IL7: variants seen among roughly 807,000 people sequenced by gnomAD.
The protein encoded by IL7 is interleukin-7.
A neutral mutation model predicts 21.6 loss-of-function variants in IL7; 3 were observed. The ratio of observed to expected loss-of-function variants is 0.14; its 90% CI spans 0.06 to 0.36. IL7 has a LOEUF of 0.36. Ranked by LOEUF, IL7 falls within the 10% of genes least tolerant of loss-of-function variation. The pLI, the probability that IL7 is intolerant of heterozygous loss-of-function variation, is 1.00. For missense variants in IL7, 175 were observed against 200.2 expected, an observed-to-expected ratio of 0.87 and a Z score of 0.76; for synonymous variants, 62 against 68.1, an observed-to-expected ratio of 0.91 and a Z score of 0.44.
At chr8:78,761,802 T>A (rs1290867081) in intron 2 of IL7, 1 of 1,611,906 alleles carries the variant, frequency 6.2e-7, no homozygotes, top group Non-Finnish European at 8.5e-7. Context: ...CCAGAATTTA[T>A]CCGACACTCC....
chr8:78,697,005 G>A (rs1453787686), intron 3 of IL7, among the ~76,000 whole-genome samples: 1 of 152,114 alleles, frequency 6.6e-6, no homozygotes, highest in Non-Finnish European at 1.5e-5. Flanking sequence ...GTTGCTGTTA[G>A]TTTGTTTTAG....
intron 2 of IL7, among the ~76,000 whole-genome samples, chr8:78,743,630 A>G (rs1337936475): frequency 5.9e-5 from 9 of 152,098 alleles, no homozygotes; most frequent in Admixed American, 2.0e-4. Flanking sequence ...CAGGAGGATT[A>G]AGTACTTCTC....
At chr8:78,727,841 A>G (rs928764493), downstream of IL7, among the ~76,000 whole-genome samples, 1 of 151,954 alleles carries the variant, frequency 6.6e-6, no homozygotes, top group African/African-American at 2.4e-5. Flanking sequence ...CATGATTTCT[A>G]TTTTGCAGAT....
At chr8:78,791,032 A>G (rs575773907) in intron 2 of IL7, among the ~76,000 whole-genome samples, 2 of 152,280 alleles carry the variant, frequency 1.3e-5, no homozygotes, top group South Asian at 4.1e-4. Context: ...GATGAACAAA[A>G]TGGAATTGGA....
intron 3 of IL7, among the ~76,000 whole-genome samples, chr8:78,708,287 C>G (rs1378665346): frequency 6.6e-6 from 1 of 152,154 alleles, no homozygotes; most frequent in Non-Finnish European, 1.5e-5. Context: ...CCACTTTAAT[C>G]AGGCATACCA....
At chr8:78,695,385 T>C (rs1272340839) in intron 3 of IL7, among the ~76,000 whole-genome samples, 1 of 152,196 alleles carries the variant, frequency 6.6e-6, no homozygotes, top group Non-Finnish European at 1.5e-5. Flanking sequence ...CTCCATTATG[T>C]AATGCTACCA....
chr8:78,739,039 A>G (rs1330016580), intron 3 of IL7, among the ~76,000 whole-genome samples: 1 of 152,160 alleles, frequency 6.6e-6, no homozygotes, highest in Non-Finnish European at 1.5e-5. Context: ...CTTTTGAGCT[A>G]TGGAAGAATA....
At chr8:78,736,667 G>A (rs972107936) in intron 4 of IL7, 140 bp from the exon 5 acceptor site, 2 of 551,824 alleles carry the variant, frequency 3.6e-6, no homozygotes, top group South Asian at 3.0e-5. Flanking sequence ...TGTTAAGAAA[G>A]TAAAATATTA....
At chr8:78,679,062 C>T (rs919601821) in intron 4 of IL7, 1 of 153,282 alleles carries the variant, frequency 6.5e-6, no homozygotes, top group Non-Finnish European at 1.5e-5. Flanking sequence ...TCTCTACATC[C>T]AAAAAGTTAA....
chr8:78,702,114 T>C (rs1810624885), intron 3 of IL7, among the ~76,000 whole-genome samples: 1 of 152,170 alleles, frequency 6.6e-6, no homozygotes, highest in East Asian at 1.9e-4. Context: ...CTTTTTTCAA[T>C]TGGTAAGCTA....
intron 2 of IL7, among the ~76,000 whole-genome samples, chr8:78,775,218 G>T (rs1404662045): frequency 6.6e-6 from 1 of 152,072 alleles, no homozygotes; most frequent in Admixed American, 6.6e-5. Flanking sequence ...GGAACTATAT[G>T]ATTCAACAAT....
chr8:78,741,197 C>G (rs977417262), intron 2 of IL7, among the ~76,000 whole-genome samples: 3 of 152,124 alleles, frequency 2.0e-5, no homozygotes, highest in Non-Finnish European at 4.4e-5. Context: ...TGGGTTTACC[C>G]TGATTTTAAA....
At chr8:78,761,325 A>G in intron 2 of IL7, 1 of 1,611,746 alleles carries the variant, frequency 6.2e-7, no homozygotes, top group South Asian at 1.1e-5. Flanking sequence ...GATTTTGCCA[A>G]CCACATATTT....
intron 3 of IL7, among the ~76,000 whole-genome samples, chr8:78,702,225 C>A (rs1307606746): frequency 1.3e-5 from 2 of 152,052 alleles, no homozygotes; most frequent in African/African-American, 2.4e-5. Flanking sequence ...AGGAATTTAT[C>A]CATTTCTTCT....
At chr8:78,764,627 T>A (rs887534938) in intron 2 of IL7, among the ~76,000 whole-genome samples, 2 of 151,684 alleles carry the variant, frequency 1.3e-5, no homozygotes, top group Admixed American at 6.6e-5. Context: ...TAAAAAAAAA[T>A]GTCCAAAATA....
At chr8:78,677,155 A>G (rs1809607345) in intron 4 of IL7, among the ~76,000 whole-genome samples, 1 of 152,130 alleles carries the variant, frequency 6.6e-6, no homozygotes, top group South Asian at 2.1e-4. Flanking sequence ...CCAAAGTTTG[A>G]CAGTTCTACC....
intron 4 of IL7, among the ~76,000 whole-genome samples, chr8:78,676,759 A>G (rs1415526309): frequency 1.3e-5 from 2 of 151,952 alleles, no homozygotes; most frequent in Non-Finnish European, 2.9e-5. Context: ...CACACATTCA[A>G]TGATTTTTTT....
intron 4 of IL7, among the ~76,000 whole-genome samples, chr8:78,677,651 T>C (rs1352669528): frequency 6.6e-6 from 1 of 152,108 alleles, no homozygotes; most frequent in African/African-American, 2.4e-5. Flanking sequence ...GTGGAGACTT[T>C]TTTTTTTGCA....
At chr8:78,743,777 A>G (rs952053934) in intron 2 of IL7, among the ~76,000 whole-genome samples, 6 of 151,928 alleles carry the variant, frequency 3.9e-5, no homozygotes, top group African/African-American at 1.5e-4. Context: ...ATCTACCTTC[A>G]ATGTTCGACG....
Sources: allele counts gnomAD v4.1 joint callset (sites outside exome capture counted in the v4.1 genomes callset), GRCh38; gene constraint gnomAD v4.1.1; transcripts MANE v1.5; gene names NCBI Gene and HGNC (gene_info 2026-07-23, HGNC 2026-07-21).